The following NRXN3 variants were observed in gnomAD, a reference collection of about 807,000 sequenced individuals.
NRXN3 encodes the protein neurexin 3.
A neutral mutation model predicts 137.6 loss-of-function variants in NRXN3; 32 were observed. The ratio of observed to expected loss-of-function variants is 0.23; its 90% confidence interval spans 0.18 to 0.31. The LOEUF (loss-of-function observed/expected upper bound fraction) is 0.31, where lower values mean the gene tolerates loss of function less well. Ranked by LOEUF, NRXN3 falls within the 10% of genes least tolerant of loss-of-function variation. The probability of loss-of-function intolerance (pLI) is 1.00; values close to 1 mark genes in which losing one functional copy is unlikely to be tolerated. For missense variants in NRXN3, 1,574 were observed against 2,062.5 expected (o/e 0.76, Z 4.59); for synonymous variants, 798 against 784.5 (o/e 1.02, Z -0.29).
chr14:78,852,878 C>CTT (rs201617179), intron 10 of NRXN3, among the ~76,000 whole-genome samples: 522 of 142,402 alleles, frequency 3.7e-3, no homozygotes, highest in Middle Eastern at 7.4e-3. Context: ...TGGTTAGTTT[C>CTT]TTTTTTTTTT....
intron 4 of NRXN3, among the ~76,000 whole-genome samples, chr14:78,361,428 CA>C (rs1227780952): frequency 2.0e-5 from 3 of 152,196 alleles, no homozygotes; most frequent in South Asian, 4.2e-4. Context: ...TAAAGTGGCC[CA>C]AATATATTGA....
chr14:79,542,199 A>C (rs1337727141), intron 16 of NRXN3, among the ~76,000 whole-genome samples: 1 of 152,218 alleles, frequency 6.6e-6, no homozygotes, highest in African/African-American at 2.4e-5. Flanking sequence ...GACATTGCTC[A>C]TGTGCAATAG....
chr14:78,949,747 T>C (rs1308962075), intron 10 of NRXN3, among the ~76,000 whole-genome samples: 5 of 152,120 alleles, frequency 3.3e-5, no homozygotes, highest in Admixed American at 6.5e-5. Flanking sequence ...ATAAAAGTAA[T>C]AGAGGGAGAC....
At chr14:78,844,765 CT>C (rs1435912604) in intron 10 of NRXN3, among the ~76,000 whole-genome samples, 4 of 152,008 alleles carry the variant, frequency 2.6e-5, no homozygotes, top group African/African-American at 9.7e-5. Flanking sequence ...AAAAAATATT[CT>C]GGAGTGTGAT....
intron 15 of NRXN3, among the ~76,000 whole-genome samples, chr14:79,163,705 C>A (rs2061021029): frequency 6.7e-6 from 1 of 149,062 alleles, no homozygotes; most frequent in Non-Finnish European, 1.5e-5. Flanking sequence ...GAATTACTGT[C>A]TGTTTGCTTA....
intron 16 of NRXN3, among the ~76,000 whole-genome samples, chr14:79,534,820 C>T (rs948817817): frequency 1.3e-5 from 2 of 152,108 alleles, no homozygotes; most frequent in Admixed American, 1.3e-4. Context: ...GACAATGAAT[C>T]AGGAAATGTC....
chr14:78,422,293 CATT>C (rs1488085550), intron 4 of NRXN3, among the ~76,000 whole-genome samples: 1 of 152,186 alleles, frequency 6.6e-6, no homozygotes, highest in African/African-American at 2.4e-5. Flanking sequence ...GAACTCTTAT[CATT>C]GTTGCAATTT....
intron 15 of NRXN3, among the ~76,000 whole-genome samples, chr14:79,097,978 G>A (rs11622043): frequency 0.99 from 150,862 of 152,226 alleles, 74,778 homozygotes; most frequent in Middle Eastern, 1. Context: ...GCTGCCTCTC[G>A]GGAAGGGATA....
chr14:78,504,794 A>G (rs1319534640), intron 4 of NRXN3, among the ~76,000 whole-genome samples: 1 of 152,158 alleles, frequency 6.6e-6, no homozygotes, highest in Non-Finnish European at 1.5e-5. Flanking sequence ...TGCTTAACGT[A>G]TACTGTGTGA....
chr14:79,029,505 C>G (rs2099603880), intron 15 of NRXN3, among the ~76,000 whole-genome samples: 1 of 152,052 alleles, frequency 6.6e-6, no homozygotes, highest in Admixed American at 6.6e-5. Context: ...ATGGCAAATT[C>G]CAGTTTACAG....
At chr14:79,195,671 A>G (rs1019198763) in intron 15 of NRXN3, among the ~76,000 whole-genome samples, 10 of 152,194 alleles carry the variant, frequency 6.6e-5, no homozygotes, top group Non-Finnish European at 1.5e-5. Flanking sequence ...TTCTGCTATT[A>G]GAGACTCATG....
intron 15 of NRXN3, among the ~76,000 whole-genome samples, chr14:79,352,110 A>G (rs1191810185): frequency 6.6e-6 from 1 of 152,308 alleles, no homozygotes; most frequent in South Asian, 2.1e-4. Flanking sequence ...GCAGGTGATG[A>G]TAGCAAAGTC....
At chr14:79,392,723 G>C (rs1017906799) in intron 15 of NRXN3, among the ~76,000 whole-genome samples, 1 of 152,104 alleles carries the variant, frequency 6.6e-6, no homozygotes, top group Non-Finnish European at 1.5e-5. Flanking sequence ...TGTAATCCCA[G>C]CATTTTGGGA....
chr14:78,575,729 A>T (rs1830615011), intron 4 of NRXN3, among the ~76,000 whole-genome samples: 1 of 152,234 alleles, frequency 6.6e-6, no homozygotes, highest in African/African-American at 2.4e-5. Context: ...GAAACAACAA[A>T]TAGTGATAGT....
rs2099416984 is a variant in NRXN3, at chr14:79,864,360, TA to T, written c.*2397del. 6.6e-6 allele frequency: 1 copy of T among 152,632 alleles called. No homozygotes were observed. Among genetic ancestry groups the T allele is most frequent in the Admixed American group, 6.5e-5 (1 of 15,276 alleles). 9.5% of individuals were successfully genotyped at this position (152,632 alleles called of 1,614,324 possible). A position where few individuals can be genotyped will look rare whatever the true frequency, so the allele number is the denominator to read the frequency against. ...TACTGCTTTTTCTTTTTTCTTTTCT[TA>T]GTTCATATTTGCATTTTCGTTCAAG... On this transcript the variant is annotated 3_prime_UTR_variant, in exon 21 of 21. Coordinates refer to ENST00000335750, the MANE Select transcript of NRXN3 (RefSeq NM_001330195.2).
chr14:79,489,102 G>A (rs1246377047), intron 16 of NRXN3, among the ~76,000 whole-genome samples: 1 of 152,140 alleles, frequency 6.6e-6, no homozygotes, highest in African/African-American at 2.4e-5. Flanking sequence ...TTTTGGAAAA[G>A]TGACCATAAT....
intron 15 of NRXN3, among the ~76,000 whole-genome samples, chr14:79,003,040 G>A (rs1205260708): frequency 6.6e-6 from 1 of 152,092 alleles, no homozygotes; most frequent in Non-Finnish European, 1.5e-5. Context: ...ATTCACAGCT[G>A]TAATCATAGT....
At chr14:78,869,219 A>G (rs2099095324) in intron 10 of NRXN3, among the ~76,000 whole-genome samples, 1 of 152,064 alleles carries the variant, frequency 6.6e-6, no homozygotes, top group South Asian at 2.1e-4. Flanking sequence ...TATTAAATCA[A>G]TTGTCAATCA....
chr14:78,703,806 A>T (rs965572470), intron 6 of NRXN3: 3 of 152,238 alleles, frequency 2.0e-5, no homozygotes, highest in African/African-American at 7.2e-5. Context: ...TGTGAGTGAC[A>T]TGGTCTTATC....
Sources: allele counts gnomAD v4.1 joint callset (sites outside exome capture counted in the v4.1 genomes callset), GRCh38; gene constraint gnomAD v4.1.1; transcripts MANE v1.5; gene names NCBI Gene and HGNC (gene_info 2026-07-23, HGNC 2026-07-21).